MYO1E: variants seen among roughly 807,000 people sequenced by gnomAD.
MYO1E encodes the protein myosin IE, also known as unconventional myosin-Ie.
In MYO1E, 68 loss-of-function variants were observed where a neutral mutation model predicts 151.1. That is an observed-to-expected ratio of 0.45 (90% CI 0.37 to 0.55). MYO1E has a LOEUF of 0.55. Among genes scored for constraint, MYO1E ranks in the 20% least tolerant of loss-of-function variants. The pLI is 0.00. For missense variants in MYO1E, 1,363 were observed against 1,389.3 expected, an observed-to-expected ratio of 0.98 and a Z score of 0.30; for synonymous variants, 601 against 501.7, an observed-to-expected ratio of 1.20 and a Z score of -2.64.
chr15:59,207,230 T>G (rs1223139046), intron 14 of MYO1E: 1 of 1,614,222 alleles, frequency 6.2e-7, no homozygotes, highest in South Asian at 1.1e-5. Flanking sequence ...AGTGATGAAC[T>G]TGCCCTTGTG....
At chr15:59,150,417 C>A (rs1264345565) in intron 26 of MYO1E, among the ~76,000 whole-genome samples, 1 of 152,238 alleles carries the variant, frequency 6.6e-6, no homozygotes, top group Non-Finnish European at 1.5e-5. Flanking sequence ...TTTTGGCTGA[C>A]AGATGCTCCC....
intron 1 of MYO1E, among the ~76,000 whole-genome samples, chr15:59,347,760 A>G (rs1262248540): frequency 6.6e-6 from 1 of 152,140 alleles, no homozygotes; most frequent in Admixed American, 6.5e-5. Context: ...AATTATTTTT[A>G]AGACCACTAA....
intron 1 of MYO1E, among the ~76,000 whole-genome samples, chr15:59,324,059 T>C (rs2080646396): frequency 6.6e-6 from 1 of 151,804 alleles, no homozygotes; most frequent in African/African-American, 2.4e-5. Context: ...GATCCTCCCT[T>C]GTGCCCTCAG....
At chr15:59,145,477 C>T (rs963667584) in intron 26 of MYO1E, among the ~76,000 whole-genome samples, 17 of 152,302 alleles carry the variant, frequency 1.1e-4, no homozygotes, top group Middle Eastern at 3.4e-3. Flanking sequence ...ACCTCCGCCT[C>T]CCGGGTTCAA....
chr15:59,213,669 C>G (rs1430989115), intron 12 of MYO1E, among the ~76,000 whole-genome samples: 1 of 151,792 alleles, frequency 6.6e-6, no homozygotes, highest in African/African-American at 2.4e-5. Context: ...TTTTGTCCCG[C>G]AGGCTGGTCT....
intron 4 of MYO1E, among the ~76,000 whole-genome samples, chr15:59,236,916 G>A (rs1283440085): frequency 1.3e-5 from 2 of 152,138 alleles, no homozygotes; most frequent in Non-Finnish European, 2.9e-5. Flanking sequence ...GCACACCACT[G>A]ACCATTAAGC....
chr15:59,211,187 G>A lies in MYO1E; in HGVS notation c.1276-587C>T, dbSNP rs934343767. On this transcript the variant is annotated intron_variant, in intron 12 of 27. Coordinates refer to ENST00000288235, the MANE Select transcript of MYO1E (RefSeq NM_004998.4). ...TGCACTTCAGCCTGGATGACAGAGC[G>A]AAACTCCAACTCAAAAAAAAAAAAA... Among the ~76,000 whole-genome samples the A allele has an allele frequency of 4.2e-3, 568 of 134,360 alleles. 4 individuals are homozygous for A. Among genetic ancestry groups the A allele is most frequent in the African/African-American group, 0.015 (537 of 34,680 alleles). 88.1% of individuals were successfully genotyped at this position (134,360 alleles called of 152,430 possible).
chr15:59,153,873 C>CTACAA (rs2079495622), intron 25 of MYO1E, 82 bp from the exon 26 acceptor site: 1 of 1,313,258 alleles, frequency 7.6e-7, no homozygotes, highest in South Asian at 1.2e-5. Flanking sequence ...CTTCCATGTA[C>CTACAA]TACAAGGGCA....
chr15:59,262,563 G>A (rs571046665), intron 2 of MYO1E, among the ~76,000 whole-genome samples: 1 of 152,268 alleles, frequency 6.6e-6, no homozygotes, highest in African/African-American at 2.4e-5. Context: ...AGGAGTCGGA[G>A]GTTGCAGTGA....
intron 5 of MYO1E, among the ~76,000 whole-genome samples, chr15:59,236,262 G>A (rs996899807): frequency 1.3e-5 from 2 of 151,216 alleles, no homozygotes; most frequent in Admixed American, 6.6e-5. Context: ...AGAATCTCTT[G>A]AACCCGGGAG....
chr15:59,207,511 A>G, intron 14 of MYO1E: 4 of 1,614,062 alleles, frequency 2.5e-6, no homozygotes, highest in Non-Finnish European at 3.4e-6. Flanking sequence ...TCCAGTGGAT[A>G]TCTTAACTTA....
intron 26 of MYO1E, among the ~76,000 whole-genome samples, chr15:59,140,063 C>G (rs2079400296): frequency 7.6e-6 from 1 of 131,902 alleles, no homozygotes; most frequent in Non-Finnish European, 1.6e-5. Context: ...TGGGAATTCT[C>G]TGTTGTGTGT....
intron 6 of MYO1E, among the ~76,000 whole-genome samples, chr15:59,229,912 ATC>A (rs2080016171): frequency 6.6e-6 from 1 of 152,146 alleles, no homozygotes; most frequent in African/African-American, 2.4e-5. Context: ...TTGTTCTGTA[ATC>A]TGTTTTTTTA....
At chr15:59,228,930 T>C (rs1411359932) in intron 6 of MYO1E, among the ~76,000 whole-genome samples, 1 of 152,212 alleles carries the variant, frequency 6.6e-6, no homozygotes, top group Non-Finnish European at 1.5e-5. Context: ...TGTGTCTTAA[T>C]CTGATGATTC....
chr15:59,367,322 C>G (rs1203162101), intron 1 of MYO1E, among the ~76,000 whole-genome samples: 2 of 151,992 alleles, frequency 1.3e-5, no homozygotes, highest in African/African-American at 4.8e-5. Context: ...TGCTCATTAT[C>G]TAACCCTCAG....
intron 4 of MYO1E, among the ~76,000 whole-genome samples, chr15:59,239,847 T>C (rs2080089467): frequency 6.6e-6 from 1 of 152,194 alleles, no homozygotes. Flanking sequence ...GGTACAATAA[T>C]GGAATGTTAC....
intron 2 of MYO1E, among the ~76,000 whole-genome samples, chr15:59,266,520 CATAAAGCTTAATTTATTCAAA>C (rs2080254717): frequency 6.6e-6 from 1 of 152,166 alleles, no homozygotes; most frequent in South Asian, 2.1e-4. Context: ...CTGAATTTTT[CATAAAGCTTAATTTATTCAAA>C]ATAAAGAAAC....
At position 59,224,821 on chromosome 15, in the gene MYO1E, G is replaced by A. The variant is rs144695094; in HGVS notation, c.645C>T (p.Leu215=). Residue 215 remains leucine (L), a splice_region_variant and synonymous_variant, in exon 8 of 28, where the codon CTC becomes CTT. Coordinates refer to ENST00000288235, the MANE Select transcript of MYO1E (RefSeq NM_004998.4). ...TCTGCTCTGCAGAGGCGCCCTCGAT[G>A]AGCTGGAGCAAGAGAACACAGGTTG... The part of the protein sequence containing the change: ...GERSFHIFYQ[L]IEGASAEQKH... 21 of 1,614,070 alleles carry A rather than the reference G, an allele frequency of 1.3e-5. No individual in the cohort carries two copies. Among genetic ancestry groups the A allele is most frequent in the Non-Finnish European group, 1.8e-5 (21 of 1,180,046 alleles).
rs1232835089 is a variant in MYO1E, at chr15:59,151,262, C to CA, written c.3080+2327dup. Among the ~76,000 whole-genome samples the CA allele has an allele frequency of 5.8e-3, 875 of 149,866 alleles. 10 individuals carry two copies. The highest frequency in any genetic ancestry group is 0.02 in the African/African-American group (824 of 40,816). On this transcript the variant is annotated intron_variant, in intron 26 of 27. Transcript: ENST00000288235. Reference sequence around the variant, plus strand: ...CCAACATGGTGAAACCCCATCTCTACAAAAAAAAACCAAAAAAATTAGCTG... The same window carrying CA: ...CCAACATGGTGAAACCCCATCTCTACAAAAAAAAAACCAAAAAAATTAGCTG...
Sources: gnomAD v4.1 joint callset for allele counts (sites outside exome capture counted in the v4.1 genomes callset) on GRCh38, gnomAD v4.1.1 for gene constraint, MANE v1.5 for transcripts, NCBI Gene and HGNC (gene_info 2026-07-23, HGNC 2026-07-21) for gene names.